Variants in FAM107B observed in about 807,000 individuals in gnomAD.
The protein encoded by FAM107B is family with sequence similarity 107 member B, also known as protein FAM107B.
FAM107B carries 21 observed loss-of-function variants against 31.5 expected under a neutral mutation model. The observed-to-expected ratio is 0.67, with a 90% CI of 0.47 to 0.96. The LOEUF (loss-of-function observed/expected upper bound fraction) is 0.96, where lower values mean the gene tolerates loss of function less well. Ranked by LOEUF, FAM107B falls within the 40% of genes least tolerant of loss-of-function variation. The probability of loss-of-function intolerance (pLI) is 0.00; values close to 1 mark genes in which losing one functional copy is unlikely to be tolerated. For synonymous variants in FAM107B, 157 were observed against 141.5 expected, an observed-to-expected ratio of 1.11 and a Z score of -0.78; for missense variants, 452 against 377.1, an observed-to-expected ratio of 1.20 and a Z score of -1.64.
chr10:14,623,499 G>A (rs1308593543), intron 2 of FAM107B, among the ~76,000 whole-genome samples: 2 of 152,240 alleles, frequency 1.3e-5, no homozygotes, highest in African/African-American at 4.8e-5. Context: ...ATATTCAGAG[G>A]AGGAGTCGGG....
intron 1 of FAM107B, among the ~76,000 whole-genome samples, chr10:14,751,279 G>A (rs926114610): frequency 9.2e-5 from 14 of 152,146 alleles, no homozygotes; most frequent in African/African-American, 3.1e-4. Context: ...GGACGTTTTG[G>A]GAAAATGTTT....
intron 1 of FAM107B, among the ~76,000 whole-genome samples, chr10:14,679,157 G>A (rs1223751608): frequency 1.3e-5 from 2 of 151,960 alleles, no homozygotes; most frequent in Admixed American, 6.6e-5. Flanking sequence ...GGAGAGAGGG[G>A]CTCACTGTAT....
At chr10:14,716,173 T>A (rs1177520545) in intron 1 of FAM107B, among the ~76,000 whole-genome samples, 1 of 152,226 alleles carries the variant, frequency 6.6e-6, no homozygotes, top group East Asian at 1.9e-4. Context: ...TATCTACTTA[T>A]CTGGAGAGTC....
At chr10:14,549,790 CT>C (rs1849085748) in intron 2 of FAM107B, among the ~76,000 whole-genome samples, 1 of 152,158 alleles carries the variant, frequency 6.6e-6, no homozygotes, top group South Asian at 2.1e-4. Context: ...CCCCACAGGA[CT>C]CAGCTGAAGC....
At chr10:14,739,382 G>A (rs1856383549) in intron 1 of FAM107B, among the ~76,000 whole-genome samples, 1 of 152,194 alleles carries the variant, frequency 6.6e-6, no homozygotes, top group Admixed American at 6.5e-5. Flanking sequence ...CCCACTCAAT[G>A]AGTAGGGCAG....
chr10:14,768,963 A>G (rs575911155), intron 1 of FAM107B, among the ~76,000 whole-genome samples: 13 of 152,206 alleles, frequency 8.5e-5, no homozygotes, highest in African/African-American at 3.1e-4. Context: ...ACTCTAATCC[A>G]TCCTACACCT....
chr10:14,637,688 C>G (rs540151625), intron 2 of FAM107B, among the ~76,000 whole-genome samples: 45 of 152,220 alleles, frequency 3.0e-4, no homozygotes, highest in African/African-American at 8.9e-4. Flanking sequence ...GGACATGATT[C>G]CAAGATGATT....
At chr10:14,735,375 C>A (rs1856276269) in intron 1 of FAM107B, among the ~76,000 whole-genome samples, 1 of 151,990 alleles carries the variant, frequency 6.6e-6, no homozygotes, top group African/African-American at 2.4e-5. Context: ...AATGTGGCCC[C>A]AGGAAGCCAA....
chr10:14,648,081 C>A (rs953444161), intron 2 of FAM107B, among the ~76,000 whole-genome samples: 5 of 151,210 alleles, frequency 3.3e-5, no homozygotes, highest in African/African-American at 7.3e-5. Flanking sequence ...AAAAAGTATT[C>A]TTTTACTAAT....
intron 2 of FAM107B, among the ~76,000 whole-genome samples, chr10:14,545,813 G>A (rs1479810778): frequency 6.6e-6 from 1 of 152,156 alleles, no homozygotes; most frequent in Non-Finnish European, 1.5e-5. Context: ...CCTGAATAAA[G>A]AGACCTCCCT....
At chr10:14,687,008 A>C (rs1405922186) in intron 1 of FAM107B, among the ~76,000 whole-genome samples, 2 of 152,262 alleles carry the variant, frequency 1.3e-5, no homozygotes, top group African/African-American at 4.8e-5. Context: ...CAGGAATTTC[A>C]GGAAATTTTA....
At chr10:14,645,136 G>A (rs1436582637) in intron 2 of FAM107B, among the ~76,000 whole-genome samples, 1 of 152,148 alleles carries the variant, frequency 6.6e-6, no homozygotes, top group African/African-American at 2.4e-5. Flanking sequence ...TATGCCTGAG[G>A]AACCACTTAG....
At chr10:14,563,924 TAA>T (rs1268680911) in intron 2 of FAM107B, among the ~76,000 whole-genome samples, 2 of 152,186 alleles carry the variant, frequency 1.3e-5, no homozygotes, top group South Asian at 4.1e-4. Context: ...AAAAAATCAC[TAA>T]AGAGATAAAT....
chr10:14,682,203 A>G (rs947893627), intron 1 of FAM107B, among the ~76,000 whole-genome samples: 2 of 152,242 alleles, frequency 1.3e-5, no homozygotes, highest in African/African-American at 2.4e-5. Flanking sequence ...TATGCAGAAC[A>G]GACACAAATG....
chr10:14,701,127 C>A (rs571804037), intron 1 of FAM107B, among the ~76,000 whole-genome samples: 1 of 152,314 alleles, frequency 6.6e-6, no homozygotes, highest in Non-Finnish European at 1.5e-5. Context: ...ACCTTATGTT[C>A]TCTGACATTG....
chr10:14,575,211 G>T (rs965631214), intron 2 of FAM107B, among the ~76,000 whole-genome samples: 24 of 149,254 alleles, frequency 1.6e-4, no homozygotes, highest in African/African-American at 5.6e-4. Context: ...TTGTTTTTTT[G>T]TTTTTTTTTT....
intron 2 of FAM107B, among the ~76,000 whole-genome samples, chr10:14,647,029 C>T (rs541518577): frequency 4.7e-4 from 72 of 152,050 alleles, no homozygotes; most frequent in African/African-American, 1.7e-3. Flanking sequence ...CTCCTGACCT[C>T]GTGATCCGCC....
At chr10:14,568,419 GGT>G (rs1218647379) in intron 2 of FAM107B, among the ~76,000 whole-genome samples, 2 of 151,756 alleles carry the variant, frequency 1.3e-5, no homozygotes, top group Admixed American at 6.6e-5. Flanking sequence ...ATGATCCCAG[GGT>G]TAGACGAGGA....
chr10:14,705,229 A>C (rs1396727013), intron 1 of FAM107B, among the ~76,000 whole-genome samples: 2 of 152,156 alleles, frequency 1.3e-5, no homozygotes. Flanking sequence ...AGTGATGAGA[A>C]TGTAGAGAAA....
Sources: allele counts gnomAD v4.1 joint callset (sites outside exome capture counted in the v4.1 genomes callset), GRCh38; gene constraint gnomAD v4.1.1; transcripts MANE v1.5; gene names NCBI Gene and HGNC (gene_info 2026-07-23, HGNC 2026-07-21).